RFTN2: variants seen among roughly 807,000 people sequenced by gnomAD.
RFTN2 encodes raftlin family member 2, also known as raftlin-2.
RFTN2 carries 34 observed loss-of-function variants against 52.7 expected under a neutral mutation model. That is an observed-to-expected ratio of 0.64 (90% CI 0.49 to 0.86). The LOEUF (loss-of-function observed/expected upper bound fraction) is 0.86. Among genes scored for constraint, RFTN2 ranks in the 40% least tolerant of loss-of-function variants. The pLI is 0.00. For synonymous variants in RFTN2, 203 were observed against 217.7 expected (o/e 0.93, Z 0.59); for missense variants, 536 against 600.1 (o/e 0.89, Z 1.12).
Position 197,613,514 on chromosome 2 carries a change from ATCC to A in RFTN2, c.1154+2359_1154+2361del, listed in dbSNP as rs1235176386. Among the ~76,000 whole-genome samples, 5 of 152,334 alleles carry A rather than the reference ATCC, an allele frequency of 3.3e-5. No individual in the cohort carries two copies. In the South Asian group the frequency reaches 8.3e-4, roughly 25 times the overall value. ...TCAGAGACTAAAAACTTCGGGCTCTATCCTCTATTTTGACCAAGGTCAACTGTA... is the reference window on the plus strand; with the variant it reads ...TCAGAGACTAAAAACTTCGGGCTCTATCTATTTTGACCAAGGTCAACTGTA... On this transcript the variant is annotated intron_variant, in intron 7 of 8. Coordinates refer to ENST00000295049, the MANE Select transcript of RFTN2 (RefSeq NM_144629.3).
rs2088627797 is a variant in RFTN2 at position 197,639,646 on chromosome 2, T to C, written c.438+4512A>G. On this transcript the variant is annotated intron_variant, in intron 3 of 8. Transcript: ENST00000295049. ...TATTCTAGTTATACATTCTTCTAAA[T>C]TTTTTTCAAAGTTTTCAACTTCTTT... Among the ~76,000 whole-genome samples the C allele has an allele frequency of 3.1e-5, 3 of 96,974 alleles. No homozygotes were observed. In the East Asian group the frequency reaches 8.7e-4, roughly 28 times the overall value. The allele number at this position is 96,974 out of a possible 152,430, so 63.6% of individuals were successfully genotyped here.
Position 197,596,045 on chromosome 2 carries a change from C to T in RFTN2, c.1179G>A (p.Gln393=). The change falls in exon 8 of 9, where the codon CAG becomes CAA. Residue 393 remains glutamine (Q), a synonymous_variant. Coordinates refer to ENST00000295049, the MANE Select transcript of RFTN2 (RefSeq NM_144629.3). The stretch of plus-strand genomic sequence containing the variant: ...TAACTGGCCTCTGAAGGAATACGAT[C>T]TGCTTTGTAGCCAAATTCCCTTCAC... The part of the protein sequence containing the change: ...HDSEGNLATK[Q]IVFLQRPVMW... 2 of 1,611,854 alleles carry T rather than the reference C, an allele frequency of 1.2e-6. No homozygotes were observed. The highest frequency in any genetic ancestry group is 2.7e-5 in the African/African-American group (2 of 75,018).
chr2:197,574,863 CATCT>C (rs2087386293), intron 8 of RFTN2, among the ~76,000 whole-genome samples: 1 of 136,218 alleles, frequency 7.3e-6, no homozygotes, highest in Non-Finnish European at 1.6e-5. Context: ...AGAAAGACTC[CATCT>C]CAAAAACAAA....
At position 197,646,664 on chromosome 2, in the gene RFTN2, A is replaced by T; in HGVS notation, c.142T>A (p.Ser48Thr). 6.2e-7 allele frequency: 1 copy of T among 1,607,780 alleles called. No individual in the cohort carries two copies. The highest frequency in any genetic ancestry group is 8.5e-7 in the Non-Finnish European group (1 of 1,175,672). The change falls in exon 2 of 9, where the codon TCA (serine) becomes ACA (threonine). Residue 48 changes from serine (S) to threonine (T), a missense_variant and splice_region_variant. Coordinates refer to ENST00000295049, the MANE Select transcript of RFTN2 (RefSeq NM_144629.3). Reference sequence around the variant, plus strand: ...ATCTTGATGACTTCTGGGTTTGATGAAGCTGAAATATCAAAAGCAAAGAGA... The same window carrying T: ...ATCTTGATGACTTCTGGGTTTGATGTAGCTGAAATATCAAAAGCAAAGAGA... ...YVLLDFTLQA[S>T]SNPEVIKINS...
intron 1 of RFTN2, among the ~76,000 whole-genome samples, chr2:197,663,679 T>G (rs1218944533): frequency 1.3e-5 from 2 of 152,308 alleles, no homozygotes; most frequent in Admixed American, 6.5e-5. Context: ...TAATGTCTCC[T>G]TTTTCATTTC....
rs189491753 is a variant in RFTN2 at position 197,576,295 on chromosome 2, T to C, written c.1234-4015A>G. ...TGCTGGGATTACTGGTGTGAGGCAG[T>C]ACCACTGTGAGTCAGTGGTGTGGTG... is the stretch of plus-strand genomic sequence containing the variant. On this transcript the variant is annotated intron_variant, in intron 8 of 8. Coordinates refer to ENST00000295049, the MANE Select transcript of RFTN2 (RefSeq NM_144629.3). 2.6e-5 allele frequency among the ~76,000 whole-genome samples: 4 copies of C among 152,282 alleles called. No individual in the cohort carries two copies. The East Asian group carries it at 7.7e-4, about 29-fold the overall frequency.
intron 8 of RFTN2, among the ~76,000 whole-genome samples, chr2:197,584,100 T>C (rs1292505766): frequency 6.6e-6 from 1 of 152,206 alleles, no homozygotes; most frequent in Non-Finnish European, 1.5e-5. Context: ...TGTGCATGTG[T>C]CTTCATGGCA....
At chr2:197,657,083 T>C (rs987064751) in intron 1 of RFTN2, among the ~76,000 whole-genome samples, 3 of 152,134 alleles carry the variant, frequency 2.0e-5, no homozygotes, top group African/African-American at 7.2e-5. Context: ...AGGCTTGTAC[T>C]GAACTCCTGG....
At chr2:197,639,983 G>A (rs1163246934) in intron 3 of RFTN2, among the ~76,000 whole-genome samples, 1 of 152,094 alleles carries the variant, frequency 6.6e-6, no homozygotes, top group Non-Finnish European at 1.5e-5. Context: ...ATGCAGGTCT[G>A]TTGGAATACC....
At chr2:197,617,445 C>A (rs1223209204) in intron 6 of RFTN2, among the ~76,000 whole-genome samples, 3 of 152,140 alleles carry the variant, frequency 2.0e-5, no homozygotes, top group African/African-American at 7.2e-5. Flanking sequence ...ATGTGCCAGG[C>A]ACTGAAGATC....
At chr2:197,618,865 A>G (rs1286341723) in intron 5 of RFTN2, among the ~76,000 whole-genome samples, 1 of 130,534 alleles carries the variant, frequency 7.7e-6, no homozygotes, top group African/African-American at 2.9e-5. Flanking sequence ...GCCCCGTCTG[A>G]GAAGTGAGGA....
At chr2:197,659,869 G>A (rs2088953496) in intron 1 of RFTN2, among the ~76,000 whole-genome samples, 2 of 151,982 alleles carry the variant, frequency 1.3e-5, no homozygotes, top group South Asian at 2.1e-4. Flanking sequence ...TTTTCAAAAG[G>A]GAATAGACTG....
intron 5 of RFTN2, among the ~76,000 whole-genome samples, chr2:197,625,884 C>G (rs2088351708): frequency 6.7e-6 from 1 of 148,514 alleles, no homozygotes; most frequent in South Asian, 2.1e-4. Flanking sequence ...CTCCACCTCC[C>G]AGGTTCAAGA....
chr2:197,664,358 C>A (rs915971160), intron 1 of RFTN2, among the ~76,000 whole-genome samples: 2 of 151,850 alleles, frequency 1.3e-5, no homozygotes, highest in South Asian at 2.1e-4. Flanking sequence ...TGCCTGTAGT[C>A]CCAGTTACTC....
chr2:197,578,768 C>T (rs80266437), intron 8 of RFTN2, among the ~76,000 whole-genome samples: 32 of 152,270 alleles, frequency 2.1e-4, no homozygotes, highest in Non-Finnish European at 3.7e-4. Flanking sequence ...CACACGGATG[C>T]GCATGACATT....
At chr2:197,588,749 A>C (rs919458062) in intron 8 of RFTN2, among the ~76,000 whole-genome samples, 2 of 152,194 alleles carry the variant, frequency 1.3e-5, no homozygotes, top group East Asian at 1.9e-4. Context: ...AGAAGCTGCC[A>C]AACTGTTTTC....
intron 5 of RFTN2, among the ~76,000 whole-genome samples, chr2:197,622,107 G>C (rs1459527517): frequency 6.6e-6 from 1 of 152,116 alleles, no homozygotes; most frequent in African/African-American, 2.4e-5. Flanking sequence ...GGCTGAGAGA[G>C]GTGAGGAAGC....
intron 1 of RFTN2, 112 bp downstream of exon 1, chr2:197,675,208 T>C: frequency 1.3e-6 from 1 of 778,032 alleles, no homozygotes; most frequent in Admixed American, 3.1e-5. Flanking sequence ...ATTGTTTGAA[T>C]ATACAATCTC....
rs148807513 is a variant in RFTN2, at chr2:197,585,692, C to T, written c.1233+10299G>A. 9.3e-3 allele frequency among the ~76,000 whole-genome samples: 1,417 copies of T among 152,226 alleles called. 31 individuals are homozygous for T. The highest frequency in any genetic ancestry group is 0.031 in the African/African-American group (1,306 of 41,526). ...CTTCCTGTGCTTACACAGCTGTCCC[C>T]GCCTTACATACAGACTGGGCAACAT... On this transcript the variant is annotated intron_variant, in intron 8 of 8. Transcript: ENST00000295049.
Sources: gnomAD v4.1 joint callset for allele counts (sites outside exome capture counted in the v4.1 genomes callset) on GRCh38, gnomAD v4.1.1 for gene constraint, MANE v1.5 for transcripts, NCBI Gene and HGNC (gene_info 2026-07-23, HGNC 2026-07-21) for gene names.